The following PTPRD variants were observed in gnomAD, a reference collection of about 807,000 sequenced individuals.
The protein encoded by PTPRD is receptor-type tyrosine-protein phosphatase delta.
PTPRD carries 34 observed loss-of-function variants against 214.5 expected under a neutral mutation model. The ratio of observed to expected loss-of-function variants is 0.16; its 90% confidence interval spans 0.12 to 0.21. The LOEUF (loss-of-function observed/expected upper bound fraction) is 0.21, where lower values mean the gene tolerates loss of function less well. Ranked by LOEUF, PTPRD falls within the 10% of genes least tolerant of loss-of-function variation. The pLI, the probability that PTPRD is intolerant of heterozygous loss-of-function variation, is 1.00. For synonymous variants in PTPRD, 1,128 were observed against 845.7 expected (o/e 1.33, Z -5.79); for missense variants, 2,545 against 2,398.7 (o/e 1.06, Z -1.27).
intron 11 of PTPRD, among the ~76,000 whole-genome samples, chr9:8,896,977 T>C (rs1364526843): frequency 2.6e-5 from 4 of 152,218 alleles, no homozygotes; most frequent in Non-Finnish European, 5.9e-5. Context: ...AGTGAATAAA[T>C]GCCTCTTTCT....
chr9:9,147,551 G>A (rs897670357), intron 10 of PTPRD, among the ~76,000 whole-genome samples: 12 of 151,972 alleles, frequency 7.9e-5, no homozygotes, highest in African/African-American at 2.9e-4. Flanking sequence ...GTTGTATCAT[G>A]TAAAAATTAT....
intron 3 of PTPRD, among the ~76,000 whole-genome samples, chr9:10,223,136 T>A (rs1452532708): frequency 6.6e-6 from 1 of 151,996 alleles, no homozygotes; most frequent in African/African-American, 2.4e-5. Context: ...GTTCCTTCTT[T>A]TCCTCATGCA....
intron 2 of PTPRD, among the ~76,000 whole-genome samples, chr9:10,468,221 A>G (rs2099007131): frequency 6.6e-6 from 1 of 152,212 alleles, no homozygotes; most frequent in Admixed American, 6.5e-5. Context: ...TTGCAGTACA[A>G]TTCACAATAG....
intron 2 of PTPRD, among the ~76,000 whole-genome samples, chr9:10,375,149 A>G (rs1402331359): frequency 6.6e-6 from 1 of 152,086 alleles, no homozygotes; most frequent in East Asian, 1.9e-4. Flanking sequence ...TCTACATGGC[A>G]ACATAGATAT....
At chr9:9,975,177 T>G (rs1313318397) in intron 4 of PTPRD, among the ~76,000 whole-genome samples, 1 of 152,146 alleles carries the variant, frequency 6.6e-6, no homozygotes, top group African/African-American at 2.4e-5. Context: ...GTAGACACAG[T>G]AAGACTGTGG....
chr9:8,676,618 G>A (rs1196305139), intron 12 of PTPRD, among the ~76,000 whole-genome samples: 2 of 152,040 alleles, frequency 1.3e-5, no homozygotes, highest in African/African-American at 2.4e-5. Flanking sequence ...TTGTTGCCCA[G>A]GCTGGAGTGC....
chr9:10,111,226 T>C (rs1430582261), intron 3 of PTPRD, among the ~76,000 whole-genome samples: 2 of 134,224 alleles, frequency 1.5e-5, no homozygotes, highest in Non-Finnish European at 3.1e-5. Context: ...TCCAGTTTAG[T>C]TTCTTTTTTT....
At chr9:9,974,615 CTGAG>C (rs1453229805) in intron 4 of PTPRD, among the ~76,000 whole-genome samples, 134 of 152,282 alleles carry the variant, frequency 8.8e-4, no homozygotes, top group Non-Finnish European at 1.0e-4. Context: ...ATTTCCTAGG[CTGAG>C]TGTTTCTCTC....
At chr9:10,338,818 G>C (rs116322546) in intron 3 of PTPRD, among the ~76,000 whole-genome samples, 3,219 of 151,766 alleles carry the variant, frequency 0.021, 124 homozygotes, top group African/African-American at 0.073. Flanking sequence ...CTCTAAGAAA[G>C]TGAGGAGAGA....
chr9:8,465,180 T>C (rs1377269396), intron 32 of PTPRD, among the ~76,000 whole-genome samples: 3 of 151,938 alleles, frequency 2.0e-5, no homozygotes, highest in African/African-American at 4.8e-5. Context: ...CACCATGATA[T>C]TTGTGTTACA....
At chr9:9,063,529 G>A (rs1336821171) in intron 10 of PTPRD, among the ~76,000 whole-genome samples, 1 of 152,020 alleles carries the variant, frequency 6.6e-6, no homozygotes, top group African/African-American at 2.4e-5. Flanking sequence ...ACTATAATCT[G>A]TAATTTTATT....
chr9:10,452,291 C>A (rs1253361937), intron 2 of PTPRD, among the ~76,000 whole-genome samples: 13 of 151,818 alleles, frequency 8.6e-5, no homozygotes. Flanking sequence ...CATGGGGGTA[C>A]AGACATATTT....
chr9:10,181,775 A>G (rs1474795394), intron 3 of PTPRD, among the ~76,000 whole-genome samples: 2 of 151,578 alleles, frequency 1.3e-5, no homozygotes, highest in Non-Finnish European at 2.9e-5. Context: ...CATGGAGGAA[A>G]AAAAAAACTG....
intron 7 of PTPRD, among the ~76,000 whole-genome samples, chr9:9,710,948 G>A (rs2097714961): frequency 6.6e-6 from 1 of 152,066 alleles, no homozygotes. Context: ...AATGGTCCTA[G>A]TCTGAGAGCG....
intron 9 of PTPRD, among the ~76,000 whole-genome samples, chr9:9,242,134 G>A (rs567603273): frequency 1.6e-3 from 247 of 152,156 alleles, no homozygotes; most frequent in African/African-American, 5.5e-3. Context: ...GAAATTCTGG[G>A]TTGAAAATTC....
chr9:9,942,341 A>T (rs2091686324), intron 4 of PTPRD, among the ~76,000 whole-genome samples: 1 of 152,148 alleles, frequency 6.6e-6, no homozygotes, highest in Non-Finnish European at 1.5e-5. Context: ...CATCATCTTC[A>T]TTATTTTCAG....
chr9:8,938,949 G>A (rs1393157123), intron 11 of PTPRD, among the ~76,000 whole-genome samples: 1 of 152,102 alleles, frequency 6.6e-6, no homozygotes, highest in Non-Finnish European at 1.5e-5. Context: ...CGTAAAAGCT[G>A]TCTGTCTGTC....
chr9:10,037,862 G>A (rs1214209383), intron 3 of PTPRD, among the ~76,000 whole-genome samples: 1 of 152,008 alleles, frequency 6.6e-6, no homozygotes, highest in Non-Finnish European at 1.5e-5. Context: ...AACAAATGAA[G>A]CTCTTATAGG....
At chr9:10,430,426 A>G (rs2154520336) in intron 2 of PTPRD, among the ~76,000 whole-genome samples, 1 of 152,086 alleles carries the variant, frequency 6.6e-6, no homozygotes, top group South Asian at 2.1e-4. Flanking sequence ...ATATACAGAT[A>G]GATAGATACG....
Sources: allele counts gnomAD v4.1 joint callset (sites outside exome capture counted in the v4.1 genomes callset), GRCh38; gene constraint gnomAD v4.1.1; transcripts MANE v1.5; gene names NCBI Gene and HGNC (gene_info 2026-07-23, HGNC 2026-07-21).